SMO: variants seen among roughly 807,000 people sequenced by gnomAD.
The protein encoded by SMO is protein smoothened.
A neutral mutation model predicts 81.6 loss-of-function variants in SMO; 40 were observed. The ratio of observed to expected loss-of-function variants is 0.49; its 90% CI spans 0.38 to 0.64. SMO has a LOEUF of 0.64. SMO is among the 30% of genes least tolerant of loss of function. The pLI, the probability that SMO is intolerant of heterozygous loss-of-function variation, is 0.00. For missense variants in SMO, 916 were observed against 1,061.1 expected, an observed-to-expected ratio of 0.86 and a Z score of 1.90; for synonymous variants, 434 against 432.1, an observed-to-expected ratio of 1.00 and a Z score of -0.05.
chr7:129,206,025 C>A lies in SMO; in HGVS notation c.921-125C>A. On this transcript the variant is annotated intron_variant, in intron 4 of 11. Coordinates refer to ENST00000249373, the MANE Select transcript of SMO (RefSeq NM_005631.5). The surrounding 1 kb of genome is among the most constrained non-coding windows in gnomAD (Gnocchi z 4.4). ...TCCTCAGATCTGACCTGGGTCCTGT[C>A]TCCAAGCCCTGACTTCTGGGAACCT... 1.1e-6 allele frequency: 1 copy of A among 886,608 alleles called. No homozygotes were observed. The highest frequency in any genetic ancestry group is 1.8e-6 in the Non-Finnish European group (1 of 563,738). The allele number at this position is 886,608 out of a possible 1,614,324, so 54.9% of individuals were successfully genotyped here. A position where few individuals can be genotyped will look rare whatever the true frequency, so the allele number is the denominator to read the frequency against.
In SMO at chr7:129,212,055, G is replaced by T; in HGVS notation, c.1968G>T (p.Leu656=). Residue 656 remains leucine (L), a synonymous_variant, in exon 12 of 12, where the codon CTG becomes CTT. Transcript: ENST00000249373. The surrounding 1 kb of genome is among the most constrained non-coding windows in gnomAD (Gnocchi z 5.0). ...VPPEEQANLW[L]VEAEISPELQ... is the part of the protein sequence containing the mutation. ...CAGAGGAACAAGCCAACCTGTGGCTGGTTGAGGCAGAGATCTCCCCAGAGC... is the reference window on the plus strand; with the variant it reads ...CAGAGGAACAAGCCAACCTGTGGCTTGTTGAGGCAGAGATCTCCCCAGAGC... 5 of 1,588,568 alleles carry T rather than the reference G, an allele frequency of 3.1e-6. No homozygotes were observed. The highest frequency in any genetic ancestry group is 4.3e-6 in the Non-Finnish European group (5 of 1,173,634).
chr7:129,202,059 C>G (rs1421962708), intron 1 of SMO, among the ~76,000 whole-genome samples: 1 of 152,104 alleles, frequency 6.6e-6, no homozygotes, highest in African/African-American at 2.4e-5. Context: ...TTGCTCTGCA[C>G]CCTGGAATAT....
chr7:129,204,333 A>T (rs1458416430), intron 2 of SMO, among the ~76,000 whole-genome samples: 2 of 149,674 alleles, frequency 1.3e-5, no homozygotes, highest in East Asian at 4.0e-4. Flanking sequence ...ACTCTGTCTC[A>T]AAATAAATAA....
intron 1 of SMO, among the ~76,000 whole-genome samples, chr7:129,197,329 A>G (rs1793597521): frequency 1.3e-5 from 2 of 152,194 alleles, no homozygotes; most frequent in Non-Finnish European, 2.9e-5. Flanking sequence ...GATGTTTGGT[A>G]TAGGTTTTTT....
At chr7:129,200,353 G>A (rs1317097103) in intron 1 of SMO, among the ~76,000 whole-genome samples, 2 of 152,054 alleles carry the variant, frequency 1.3e-5, no homozygotes, top group Non-Finnish European at 2.9e-5. Flanking sequence ...CCCAGGAGGC[G>A]GAGCTCGCAG....
chr7:129,205,036 G>A (rs1279529327), intron 2 of SMO, among the ~76,000 whole-genome samples, 167 bp from the exon 3 acceptor site: 2 of 143,710 alleles, frequency 1.4e-5, no homozygotes, highest in South Asian at 2.2e-4. Flanking sequence ...AAGAAGTGGG[G>A]AAACTGAGGT....
Position 129,189,602 on chromosome 7 carries a change from T to C in SMO, c.331+120T>C. ...AGGGCGGGGACAGCACCCGGGAGAG[T>C]TGGAGGGACAGATCCCGAAACTTTG... is the stretch of plus-strand genomic sequence containing the variant. On this transcript the variant is annotated intron_variant, in intron 1 of 11. Transcript: ENST00000249373. The surrounding 1 kb of genome is among the most constrained non-coding windows in gnomAD (Gnocchi z 4.7). 9.0e-7 allele frequency: 1 copy of C among 1,114,850 alleles called. No individual in the cohort carries two copies. Among genetic ancestry groups the C allele is most frequent in the South Asian group, 1.5e-5 (1 of 65,368 alleles). 69.1% of individuals were successfully genotyped at this position (1,114,850 alleles called of 1,614,324 possible). A position where few individuals can be genotyped will look rare whatever the true frequency, so the allele number is the denominator to read the frequency against.
rs2150646808 is a variant in SMO at position 129,203,528 on chromosome 7, G to T, written c.476G>T (p.Arg159Met). Residue 159 changes from arginine to methionine, a missense_variant, in exon 2 of 12, where the codon AGG becomes ATG. Physicochemically the swap from Arg to Met is moderately conservative, Grantham distance 91. Around this residue, in one of 4 missense-constraint regions of SMO, gnomAD observed 436 missense variants for 570.9 expected, o/e 0.76. Transcript: ENST00000249373. ...ATRGPCAIVE[R>M]ERGWPDFLRC... ...CGAGGCCCCTGTGCCATCGTGGAGA[G>T]GGAGCGGGGCTGGCCTGACTTCCTG... 6.2e-7 allele frequency: 1 copy of T among 1,607,382 alleles called. No individual in the cohort carries two copies. The highest frequency in any genetic ancestry group is 8.5e-7 in the Non-Finnish European group (1 of 1,179,630).
intron 1 of SMO, among the ~76,000 whole-genome samples, chr7:129,195,818 T>TG (rs1267590347): frequency 6.6e-6 from 1 of 152,094 alleles, no homozygotes; most frequent in Non-Finnish European, 1.5e-5. Context: ...TTATGTACTG[T>TG]GGGCCAGGCG....
At position 129,211,074 on chromosome 7, in the gene SMO, T is replaced by A. The variant is rs779471371; in HGVS notation, c.1762T>A (p.Ser588Thr). 10 of 1,613,392 alleles carry A rather than the reference T, an allele frequency of 6.2e-6. No individual in the cohort carries two copies. The Admixed American group carries it at 1.7e-4, about 27-fold the overall frequency. The change falls in exon 10 of 12, where the codon TCC (serine) becomes ACC (threonine). Residue 588 changes from serine (S) to threonine (T), a missense_variant. Ser to Thr is a moderately conservative substitution (Grantham distance 58, BLOSUM62 1). Around this residue, in one of 4 missense-constraint regions of SMO, gnomAD observed 324 missense variants for 312.9 expected, o/e 1.04. Coordinates refer to ENST00000249373, the MANE Select transcript of SMO (RefSeq NM_005631.5). This position sits in a 1 kb window ranked among gnomAD's most constrained non-coding sequence, Gnocchi z 4.6. The stretch of plus-strand genomic sequence containing the variant: ...CCTGCAGAACCCAGGCCAGGAGCTG[T>A]CCTTCAGCATGCACACTGTGTCCCA... ...ELLQNPGQEL[S>T]FSMHTVSHDG...
At position 129,211,637 on chromosome 7, in the gene SMO, G is replaced by T. The variant is rs202128173; in HGVS notation, c.1803G>T (p.Ala601=). 2 of 1,612,666 alleles carry T rather than the reference G, an allele frequency of 1.2e-6. No homozygotes were observed. The highest frequency in any genetic ancestry group is 1.7e-6 in the Non-Finnish European group (2 of 1,179,856). ...CTTTCCTTCCTTCCATTCCCACAGC[G>T]GGCTTGGCCTTTGACCTCAATGAGC... ...MHTVSHDGPV[A]GLAFDLNEPS... is the part of the protein sequence containing the mutation. Residue 601 remains alanine, a splice_region_variant and synonymous_variant, in exon 11 of 12, where the codon GCG becomes GCT. Coordinates refer to ENST00000249373, the MANE Select transcript of SMO (RefSeq NM_005631.5). This position sits in a 1 kb window ranked among gnomAD's most constrained non-coding sequence, Gnocchi z 4.6.
At chr7:129,194,680 CAAAAT>C (rs1281156850) in intron 1 of SMO, among the ~76,000 whole-genome samples, 2 of 152,150 alleles carry the variant, frequency 1.3e-5, no homozygotes, top group Non-Finnish European at 2.9e-5. Flanking sequence ...GGAATTTGTA[CAAAAT>C]AATATGCTGT....
At position 129,206,864 on chromosome 7, in the gene SMO, A is replaced by G. The variant is rs1312518076; in HGVS notation, c.1264+277A>G. Among the ~76,000 whole-genome samples, 1 of 151,896 alleles carries G rather than the reference A, an allele frequency of 6.6e-6. No homozygotes were observed. The highest frequency in any genetic ancestry group is 6.6e-5 in the Admixed American group (1 of 15,246). ...TTTTTTTTGTTTGTTTTTGTTTTTG[A>G]GACAGAGTCTAGCTCTGTTGCCCAG... On this transcript the variant is annotated intron_variant, in intron 6 of 11. Coordinates refer to ENST00000249373, the MANE Select transcript of SMO (RefSeq NM_005631.5). The surrounding 1 kb of genome is among the most constrained non-coding windows in gnomAD (Gnocchi z 4.4).
chr7:129,196,949 G>A (rs933551741), intron 1 of SMO, among the ~76,000 whole-genome samples: 22 of 150,164 alleles, frequency 1.5e-4, no homozygotes, highest in East Asian at 2.0e-4. Context: ...CCTGGGAGGC[G>A]GAGCTTGCAA....
At position 129,206,528 on chromosome 7, in the gene SMO, G is replaced by A. The variant is rs1328275322; in HGVS notation, c.1205G>A (p.Gly402Asp). Residue 402 changes from glycine (G) to aspartate (D), a missense_variant, in exon 6 of 12, where the codon GGC becomes GAC. This residue lies in a region of SMO where 436 missense variants were observed against 570.9 expected (regional missense o/e 0.76). Coordinates refer to ENST00000249373, the MANE Select transcript of SMO (RefSeq NM_005631.5). This position sits in a 1 kb window ranked among gnomAD's most constrained non-coding sequence, Gnocchi z 4.4. ...VGYKNYRYRAGFVLAPIGLVL... is the reference protein window; with the variant it reads ...VGYKNYRYRADFVLAPIGLVL... ...TACAAGAACTACCGATACCGTGCGG[G>A]CTTCGTGCTGGCCCCAATCGGCCTG... 2 of 1,614,084 alleles carry A rather than the reference G, an allele frequency of 1.2e-6. No individual in the cohort carries two copies. Among genetic ancestry groups the A allele is most frequent in the Admixed American group, 1.7e-5 (1 of 60,004 alleles).
In SMO at chr7:129,203,554, C is replaced by T. The variant is rs146797066; in HGVS notation, c.502C>T (p.Arg168Cys). The T allele has an allele frequency of 5.6e-6, 9 of 1,603,832 alleles. No individual in the cohort carries two copies. Among genetic ancestry groups the T allele is most frequent in the South Asian group, 3.3e-5 (3 of 90,608 alleles). ...GGAGCGGGGCTGGCCTGACTTCCTG[C>T]GCTGCACTCCTGACCGCTTCCCTGA... ...ERERGWPDFL[R>C]CTPDRFPEGC... is the part of the protein sequence containing the mutation. The change falls in exon 2 of 12, where the codon CGC becomes TGC. Residue 168 changes from arginine (R) to cysteine (C), a missense_variant. Arg to Cys is a radical substitution (Grantham distance 180). Around this residue, in one of 4 missense-constraint regions of SMO, gnomAD observed 436 missense variants for 570.9 expected, o/e 0.76. Transcript: ENST00000249373.
At chr7:129,205,953 A>G (rs992077814) in intron 4 of SMO, among the ~76,000 whole-genome samples, 171 bp downstream of exon 4, 1 of 152,242 alleles carries the variant, frequency 6.6e-6, no homozygotes, top group Non-Finnish European at 1.5e-5. Context: ...TTTCAGAATC[A>G]GGACCTTCAT....
At position 129,206,515 on chromosome 7, in the gene SMO, C is replaced by T. The variant is rs1199769385; in HGVS notation, c.1192C>T (p.Arg398Ter). Reference sequence around the variant, plus strand: ...TTGTTTTGTGGGCTACAAGAACTACCGATACCGTGCGGGCTTCGTGCTGGC... The same window carrying T: ...TTGTTTTGTGGGCTACAAGAACTACTGATACCGTGCGGGCTTCGTGCTGGC... ...GICFVGYKNY[R>*]YRAGFVLAPI... is the part of the protein sequence containing the mutation. The change falls in exon 6 of 12, where the codon CGA becomes TGA. Residue 398 changes from arginine (R) to a stop codon, truncating the protein, a stop_gained. Transcript: ENST00000249373. LOFTEE classifies it high-confidence loss of function. This position sits in a 1 kb window ranked among gnomAD's most constrained non-coding sequence, Gnocchi z 4.4. 5.0e-6 allele frequency: 8 copies of T among 1,614,148 alleles called. No homozygotes were observed. The highest frequency in any genetic ancestry group is 5.1e-6 in the Non-Finnish European group (6 of 1,180,020).
chr7:129,205,483 G>A, intron 3 of SMO, 71 bp downstream of exon 3: 1 of 1,558,464 alleles, frequency 6.4e-7, no homozygotes, highest in Non-Finnish European at 8.8e-7. Context: ...AGGGAAGGGG[G>A]GCAAAGAGGT....
Sources: allele counts gnomAD v4.1 joint callset (sites outside exome capture counted in the v4.1 genomes callset), GRCh38; gene constraint gnomAD v4.1.1; regional missense constraint gnomAD v4.1.1; non-coding constraint Gnocchi (gnomAD v3.1); transcripts MANE v1.5; gene names NCBI Gene and HGNC (gene_info 2026-07-23, HGNC 2026-07-21).